Variants in PREPL observed in about 807,000 individuals in gnomAD.
The protein encoded by PREPL is prolyl endopeptidase like.
Under a neutral mutation model 70.6 loss-of-function variants are expected in PREPL, and 77 were observed. The observed-to-expected ratio is 1.09, with a 90% CI of 0.91 to 1.32. PREPL has a LOEUF of 1.32. PREPL is among the 40% of genes most tolerant of loss of function. PREPL has a pLI of 0.00. For missense variants in PREPL, 1,002 were observed against 778.2 expected, an observed-to-expected ratio of 1.29 and a Z score of -3.42; for synonymous variants, 315 against 264.8, an observed-to-expected ratio of 1.19 and a Z score of -1.84.
chr2:44,360,333 C>T (rs1463676084), intron 1 of PREPL: 1 of 152,166 alleles, frequency 6.6e-6, no homozygotes, highest in Non-Finnish European at 1.5e-5. Context: ...TATTACCATG[C>T]ACATTTTACA....
chr2:44,355,927 A>G (rs1165181130), intron 1 of PREPL, among the ~76,000 whole-genome samples: 2 of 152,022 alleles, frequency 1.3e-5, no homozygotes, highest in Non-Finnish European at 2.9e-5. Flanking sequence ...AATTATCACT[A>G]TTAAAGATTT....
Position 44,323,345 on chromosome 2 carries a change from C to T in PREPL, c.1546G>A (p.Glu516Lys), listed in dbSNP as rs1367878747. 4.4e-6 allele frequency: 7 copies of T among 1,601,910 alleles called. No individual in the cohort carries two copies. The highest frequency in any genetic ancestry group is 6.0e-6 in the Non-Finnish European group (7 of 1,169,510). ...TTLPLTLEEL[E>K]EWGNPSSDEK... The stretch of plus-strand genomic sequence containing the variant: ...TCAGATGAAGGATTCCCCCATTCTT[C>T]TAATTCTTCTAATGTCAGAGGAAGT... Residue 516 changes from glutamate (E) to lysine (K), a missense_variant, in exon 11 of 14, where the codon GAA becomes AAA. Coordinates refer to ENST00000409411, the MANE Select transcript of PREPL (RefSeq NM_001171613.2).
intron 1 of PREPL, among the ~76,000 whole-genome samples, chr2:44,355,086 A>T (rs1440938038): frequency 6.6e-6 from 1 of 152,220 alleles, no homozygotes; most frequent in Non-Finnish European, 1.5e-5. Flanking sequence ...TGGGATAAAG[A>T]TCATAATAGC....
chr2:44,359,970 T>C, intron 1 of PREPL: 1 of 435,826 alleles, frequency 2.3e-6, no homozygotes, highest in Non-Finnish European at 4.1e-6. Flanking sequence ...CTTAAATGTC[T>C]CATTTGTAAA....
chr2:44,320,806 T>A lies in PREPL; in HGVS notation c.*550A>T. 1.5e-6 allele frequency: 1 copy of A among 651,112 alleles called. No homozygotes were observed. The highest frequency in any genetic ancestry group is 1.9e-5 in the South Asian group (1 of 53,832). 40.3% of individuals were successfully genotyped at this position (651,112 alleles called of 1,614,324 possible). On this transcript the variant is annotated 3_prime_UTR_variant, in exon 14 of 14. Coordinates refer to ENST00000409411, the MANE Select transcript of PREPL (RefSeq NM_001171613.2). ...AGGTTCTCAAATGTTTTGAAAAAAATAAAATGTTTAAAAGTAAATTATGGC... is the reference window on the plus strand; with the variant it reads ...AGGTTCTCAAATGTTTTGAAAAAAAAAAAATGTTTAAAAGTAAATTATGGC...
chr2:44,340,927 CAAAA>C (rs966745305), intron 5 of PREPL, among the ~76,000 whole-genome samples: 1 of 97,942 alleles, frequency 1.0e-5, no homozygotes. Flanking sequence ...GACTCTGTTT[CAAAA>C]AAAAAAAAAA....
Position 44,342,424 on chromosome 2 carries a change from C to T in PREPL, c.478G>A (p.Asp160Asn). The part of the protein sequence containing the change: ...KRNERFYTEK[D>N]PSYFVFLYLT... ...ATTATATTATTCTAGTACCTTGGGTCTTTTTCTGTGTAAAAGCGTTCATTA... is the reference window on the plus strand; with the variant it reads ...ATTATATTATTCTAGTACCTTGGGTTTTTTTCTGTGTAAAAGCGTTCATTA... Residue 160 changes from aspartate (D) to asparagine (N), a missense_variant, in exon 5 of 14, where the codon GAC becomes AAC. Asp to Asn is a conservative substitution (Grantham distance 23). Coordinates refer to ENST00000409411, the MANE Select transcript of PREPL (RefSeq NM_001171613.2). 1.2e-6 allele frequency: 2 copies of T among 1,610,404 alleles called. No homozygotes were observed. Among genetic ancestry groups the T allele is most frequent in the Non-Finnish European group, 1.7e-6 (2 of 1,178,010 alleles).
intron 1 of PREPL, among the ~76,000 whole-genome samples, chr2:44,346,709 C>T (rs1675866077): frequency 6.6e-6 from 1 of 151,730 alleles, no homozygotes; most frequent in Non-Finnish European, 1.5e-5. Flanking sequence ...AATTTATACA[C>T]AATTAAGGAG....
At chr2:44,357,099 C>T (rs187553258) in intron 1 of PREPL, among the ~76,000 whole-genome samples, 1 of 152,198 alleles carries the variant, frequency 6.6e-6, no homozygotes, top group Non-Finnish European at 1.5e-5. Context: ...AGCCAGTATG[C>T]CTGATCAGAA....
At chr2:44,332,911 T>C (rs1054476893) in intron 7 of PREPL, among the ~76,000 whole-genome samples, 2 of 152,198 alleles carry the variant, frequency 1.3e-5, no homozygotes, top group African/African-American at 4.8e-5. Flanking sequence ...TTACATGAAA[T>C]TGCCTTTAAC....
Position 44,326,777 on chromosome 2 carries a change from C to T in PREPL, c.1414G>A (p.Gly472Arg), listed in dbSNP as rs1481014109. ...SLTTLTAFSA[G>R]GVLAGALCNS... ...CACAATGCTCCTGCAAGCACCCCTC[C>T]AGCACTGAAAGCAGTCAGGGTTGTT... The change falls in exon 10 of 14, where the codon GGA becomes AGA. Residue 472 changes from glycine (G) to arginine (R), a missense_variant. Gly to Arg is a moderately radical substitution (Grantham distance 125). Coordinates refer to ENST00000409411, the MANE Select transcript of PREPL (RefSeq NM_001171613.2). 2 of 1,614,178 alleles carry T rather than the reference C, an allele frequency of 1.2e-6. No homozygotes were observed. Among genetic ancestry groups the T allele is most frequent in the Non-Finnish European group, 1.7e-6 (2 of 1,180,040 alleles).
In PREPL at chr2:44,320,485, C is replaced by T. The variant is rs558927581; in HGVS notation, c.*871G>A. 6.2e-7 allele frequency: 1 copy of T among 1,614,126 alleles called. No homozygotes were observed. The highest frequency in any genetic ancestry group is 1.3e-5 in the African/African-American group (1 of 75,050). The stretch of plus-strand genomic sequence containing the variant: ...GCCGACAAAGGCAGTAAAGTTGATA[C>T]AAGTGGCATTTTTCTGGACAAGGGA... On this transcript the variant is annotated 3_prime_UTR_variant, in exon 14 of 14. Coordinates refer to ENST00000409411, the MANE Select transcript of PREPL (RefSeq NM_001171613.2).
intron 12 of PREPL, among the ~76,000 whole-genome samples, 184 bp from the exon 13 acceptor site, chr2:44,322,084 C>T (rs1339393524): frequency 1.3e-5 from 2 of 152,006 alleles, no homozygotes; most frequent in African/African-American, 2.4e-5. Flanking sequence ...AAACTTCTGA[C>T]ACAGCGAAAG....
In PREPL at chr2:44,343,759, T is replaced by C. The variant is rs1351862118; in HGVS notation, c.335A>G (p.Asn112Ser). Residue 112 changes from asparagine (N) to serine (S), a missense_variant, in exon 4 of 14, where the codon AAT becomes AGT. Asn to Ser is a conservative substitution (Grantham distance 46). Coordinates refer to ENST00000409411, the MANE Select transcript of PREPL (RefSeq NM_001171613.2). ...TGGTGGCTTACCAAAACTGGACACA[T>C]TCGGGAAAGAAGCTTCCATTACGGG... ...DQPVMEASFP[N>S]VSSFEWVKDE... 1 of 1,613,408 alleles carries C rather than the reference T, an allele frequency of 6.2e-7. No homozygotes were observed. The highest frequency in any genetic ancestry group is 1.7e-5 in the Admixed American group (1 of 59,986).
chr2:44,346,654 G>A (rs925212966), intron 1 of PREPL, among the ~76,000 whole-genome samples: 2 of 152,052 alleles, frequency 1.3e-5, no homozygotes, highest in African/African-American at 4.8e-5. Context: ...TAAGAAGCAG[G>A]AATACTAAGA....
chr2:44,326,454 T>C (rs1425075509), intron 10 of PREPL, among the ~76,000 whole-genome samples: 3 of 147,196 alleles, frequency 2.0e-5, no homozygotes, highest in Non-Finnish European at 4.5e-5. Flanking sequence ...CACTGCAGCC[T>C]CAACCTCTTA....
intron 8 of PREPL, among the ~76,000 whole-genome samples, chr2:44,329,916 A>C (rs1673917817): frequency 6.6e-6 from 1 of 152,190 alleles, no homozygotes; most frequent in Non-Finnish European, 1.5e-5. Flanking sequence ...AAACTAATGA[A>C]ATAGCACCGT....
intron 12 of PREPL, 24 bp downstream of exon 12, chr2:44,322,707 C>T: frequency 1.2e-6 from 2 of 1,607,898 alleles, no homozygotes; most frequent in Middle Eastern, 1.7e-4. Flanking sequence ...TGGCCATGTT[C>T]CCTGCTTCTA....
intron 1 of PREPL, among the ~76,000 whole-genome samples, chr2:44,349,833 T>G (rs2104086698): frequency 6.6e-6 from 1 of 152,246 alleles, no homozygotes; most frequent in South Asian, 2.1e-4. Flanking sequence ...AAGCTTTATG[T>G]GAATCTATTT....
Sources: gnomAD v4.1 joint callset for allele counts (sites outside exome capture counted in the v4.1 genomes callset) on GRCh38, gnomAD v4.1.1 for gene constraint, MANE v1.5 for transcripts, NCBI Gene and HGNC (gene_info 2026-07-23, HGNC 2026-07-21) for gene names.